SEC31A: variants seen among roughly 807,000 people sequenced by gnomAD.
SEC31A encodes the protein SEC31 homolog A, COPII component.
A neutral mutation model predicts 151.0 loss-of-function variants in SEC31A; 70 were observed. The ratio of observed to expected loss-of-function variants is 0.46; its 90% CI spans 0.38 to 0.57. The LOEUF (loss-of-function observed/expected upper bound fraction) is 0.57. Ranked by LOEUF, SEC31A falls within the 20% of genes least tolerant of loss-of-function variation. The pLI, the probability that SEC31A is intolerant of heterozygous loss-of-function variation, is 0.00. For synonymous variants in SEC31A, 475 were observed against 505.9 expected (o/e 0.94, Z 0.82); for missense variants, 1,330 against 1,471.2 (o/e 0.90, Z 1.57).
intron 1 of SEC31A, among the ~76,000 whole-genome samples, chr4:82,890,324 C>T (rs774648380): frequency 1.3e-5 from 2 of 151,604 alleles, no homozygotes; most frequent in Admixed American, 1.3e-4. Context: ...ACAGTTATAA[C>T]TGCCCACAAA....
intron 1 of SEC31A, among the ~76,000 whole-genome samples, chr4:82,889,858 T>A (rs1741892104): frequency 6.6e-6 from 1 of 152,160 alleles, no homozygotes; most frequent in African/African-American, 2.4e-5. Flanking sequence ...CCAAAAGTTC[T>A]TAAGAGTCTA....
chr4:82,872,022 T>A lies in SEC31A; in HGVS notation c.704A>T (p.Asp235Val), dbSNP rs202176138. The change falls in exon 7 of 27, where the codon GAT becomes GTT. Residue 235 changes from aspartate (D) to valine (V), a missense_variant. Physicochemically the swap from Asp to Val is radical, Grantham distance 152 (BLOSUM62 -3). Transcript: ENST00000395310. Reference protein sequence around the residue: ...VATQMVLASEDDRLPVIQMWD... With the variant: ...VATQMVLASEVDRLPVIQMWD... ...CATCTGGATCACTGGTAACCGGTCA[T>A]CCTCGGAGGCAAGGACCATCTGAGT... 2.5e-6 allele frequency: 4 copies of A among 1,614,090 alleles called. No individual in the cohort carries two copies. Among genetic ancestry groups the A allele is most frequent in the Non-Finnish European group, 3.4e-6 (4 of 1,179,992 alleles).
intron 18 of SEC31A, 57 bp from the exon 19 acceptor site, chr4:82,851,661 C>G: frequency 7.0e-7 from 1 of 1,423,570 alleles, no homozygotes. Flanking sequence ...TGAGAGGAAG[C>G]AGGAAAAGAT....
At chr4:82,860,129 C>T (rs1278860841) in intron 14 of SEC31A, among the ~76,000 whole-genome samples, 1 of 151,932 alleles carries the variant, frequency 6.6e-6, no homozygotes, top group African/African-American at 2.4e-5. Context: ...CTCAAATTTG[C>T]TTTCTAGAAA....
rs2148999170 is a variant in SEC31A at position 82,827,491 on chromosome 4, G to A, written c.3169C>T (p.Leu1057Phe). The change falls in exon 24 of 27, where the codon CTT (leucine) becomes TTT (phenylalanine). Residue 1057 changes from leucine (L) to phenylalanine (F), a missense_variant. Coordinates refer to ENST00000395310, the MANE Select transcript of SEC31A (RefSeq NM_001077207.4). ...CCATGGAAGGGCTGGCCACCTGGAA[G>A]ATGTGGCTGTGGGAATGAAGACTGG... ...SSQSSFPQPH[L>F]PGGQPFHGVQ... is the part of the protein sequence containing the mutation. The A allele has an allele frequency of 1.2e-6, 2 of 1,614,234 alleles. No individual in the cohort carries two copies. The highest frequency in any genetic ancestry group is 1.7e-6 in the Non-Finnish European group (2 of 1,180,046).
chr4:82,866,932 G>A lies in SEC31A; in HGVS notation c.1073C>T (p.Pro358Leu). Residue 358 changes from proline to leucine, a missense_variant, in exon 10 of 27, where the codon CCC becomes CTC. Transcript: ENST00000395310. ...KLSSSFGNLD[P>L]FGTGQPLPPL... ...AGGAAGGGGCTGTCCTGTGCCAAAG[G>A]GATCAAGATTCCCAAAAGATGATGA... 1 of 1,613,230 alleles carries A rather than the reference G, an allele frequency of 6.2e-7. No individual in the cohort carries two copies. Among genetic ancestry groups the A allele is most frequent in the East Asian group, 2.2e-5 (1 of 44,870 alleles).
chr4:82,890,431 C>T (rs767923843), intron 1 of SEC31A, among the ~76,000 whole-genome samples: 1 of 152,114 alleles, frequency 6.6e-6, no homozygotes, highest in Non-Finnish European at 1.5e-5. Flanking sequence ...AATAGCCCTA[C>T]GTAAAATTAA....
intron 14 of SEC31A, among the ~76,000 whole-genome samples, chr4:82,858,542 CAAAAAAAAAAAAAAAAA>C (rs201988682): frequency 1.6e-5 from 1 of 62,946 alleles, no homozygotes; most frequent in Non-Finnish European, 3.9e-5. Context: ...GACTCTGTCT[CAAAAAAAAAAAAAAAAA>C]AAAAAAAAAA....
chr4:82,854,629 T>C (rs562759391), intron 17 of SEC31A, among the ~76,000 whole-genome samples: 50 of 152,066 alleles, frequency 3.3e-4, no homozygotes, highest in Middle Eastern at 6.8e-3. Context: ...TAGAAAGTAG[T>C]TCTTCCTAGA....
intron 18 of SEC31A, among the ~76,000 whole-genome samples, chr4:82,853,009 T>C (rs1360732198): frequency 6.6e-6 from 1 of 152,164 alleles, no homozygotes; most frequent in Non-Finnish European, 1.5e-5. Context: ...ACCACTGATG[T>C]GAAAGGAAGC....
chr4:82,900,569 C>G (rs1315078113), upstream of SEC31A: 1 of 551,076 alleles, frequency 1.8e-6, no homozygotes, highest in Non-Finnish European at 3.2e-6. Flanking sequence ...CGGTCAAATG[C>G]ACGTCTTCAG....
intron 20 of SEC31A, among the ~76,000 whole-genome samples, chr4:82,848,014 A>G (rs1029429177): frequency 1.3e-5 from 2 of 152,210 alleles, no homozygotes; most frequent in African/African-American, 4.8e-5. Context: ...AGACTCCATC[A>G]ATCCTATCAG....
chr4:82,868,038 T>C (rs1735790531), intron 8 of SEC31A, among the ~76,000 whole-genome samples: 1 of 152,254 alleles, frequency 6.6e-6, no homozygotes. Flanking sequence ...GAGGATCAAA[T>C]TTTAAAATCA....
At chr4:82,899,314 T>G (rs1720204283) in intron 3 of SEC31A, among the ~76,000 whole-genome samples, 1 of 152,240 alleles carries the variant, frequency 6.6e-6, no homozygotes, top group African/African-American at 2.4e-5. Flanking sequence ...TAAAACCCAC[T>G]GAATTGTACA....
chr4:82,871,450 A>G, intron 7 of SEC31A: 1 of 1,413,918 alleles, frequency 7.1e-7, no homozygotes. Flanking sequence ...ATGGATAACA[A>G]AACCAATTTT....
At chr4:82,884,604 G>T (rs1212789840) in intron 1 of SEC31A, among the ~76,000 whole-genome samples, 1 of 152,154 alleles carries the variant, frequency 6.6e-6, no homozygotes, top group Non-Finnish European at 1.5e-5. Context: ...CTCACTCTAG[G>T]TGTTGTATAT....
chr4:82,859,092 T>C (rs895814608), intron 14 of SEC31A, among the ~76,000 whole-genome samples: 1 of 152,068 alleles, frequency 6.6e-6, no homozygotes, highest in African/African-American at 2.4e-5. Flanking sequence ...GATTTGATTA[T>C]AAAGTGTTTT....
chr4:82,861,843 T>C, intron 13 of SEC31A, 135 bp from the exon 14 acceptor site: 1 of 493,946 alleles, frequency 2.0e-6, no homozygotes, highest in Admixed American at 3.5e-5. Context: ...AGTGAGTAAA[T>C]TTATTTGAGA....
chr4:82,826,703 C>G (rs995564360), intron 24 of SEC31A, among the ~76,000 whole-genome samples: 8 of 152,228 alleles, frequency 5.3e-5, no homozygotes. Flanking sequence ...ACAAGAGATA[C>G]AGTCTTTACA....
Sources: allele counts gnomAD v4.1 joint callset (sites outside exome capture counted in the v4.1 genomes callset), GRCh38; gene constraint gnomAD v4.1.1; transcripts MANE v1.5; gene names NCBI Gene and HGNC (gene_info 2026-07-23, HGNC 2026-07-21).